Variants in SAMD5 observed in about 807,000 individuals in gnomAD.
The protein encoded by SAMD5 is sterile alpha motif domain containing 5, also known as sterile alpha motif domain-containing protein 5.
In SAMD5, 13 loss-of-function variants were observed where a neutral mutation model predicts 11.3. The observed-to-expected ratio is 1.15, with a 90% CI of 0.75 to 1.83. The LOEUF is 1.83. Ranked by LOEUF, SAMD5 falls within the 40% of genes most tolerant of loss-of-function variation. SAMD5 has a pLI of 0.00. For missense variants in SAMD5, 255 were observed against 239.1 expected, an observed-to-expected ratio of 1.07 and a Z score of -0.44; for synonymous variants, 129 against 111.3, an observed-to-expected ratio of 1.16 and a Z score of -1.00.
rs374806326 is a variant in SAMD5 at position 147,666,789 on chromosome 6, G to A, written c.163-70528G>A. On this transcript the variant is annotated intron_variant, in intron 1 of 1. Transcript: ENST00000566741. ...AATCCCAAGCCGGAAAAAGTCCATAGCATCCTCAAATAAGAGTGGGACATT... is the reference window on the plus strand; with the variant it reads ...AATCCCAAGCCGGAAAAAGTCCATAACATCCTCAAATAAGAGTGGGACATT... Among the ~76,000 whole-genome samples the A allele has an allele frequency of 3.3e-4, 51 of 152,292 alleles. 1 individual carries two copies. The South Asian group carries it at 8.9e-3, about 27-fold the overall frequency.
chr6:147,536,531 GTTT>G (rs368585131), intron 1 of SAMD5, among the ~76,000 whole-genome samples: 5 of 149,364 alleles, frequency 3.3e-5, no homozygotes, highest in Non-Finnish European at 6.0e-5. Flanking sequence ...AGTCCAAGAA[GTTT>G]TTTTTTTAAT....
At chr6:147,929,631 T>A in the SAMD5 span, among the ~76,000 whole-genome samples, 1 of 152,210 alleles carries the variant, frequency 6.6e-6, no homozygotes, top group Non-Finnish European at 1.5e-5. Context: ...GGCATAATTA[T>A]GTCAGATGGT....
chr6:147,677,725 A>T (rs1336207514), intron 1 of SAMD5, among the ~76,000 whole-genome samples: 1 of 152,108 alleles, frequency 6.6e-6, no homozygotes, highest in African/African-American at 2.4e-5. Flanking sequence ...GCCATGGGAC[A>T]TCGGCACTGT....
At chr6:147,647,135 C>T (rs1446252572) in intron 1 of SAMD5, among the ~76,000 whole-genome samples, 2 of 151,734 alleles carry the variant, frequency 1.3e-5, no homozygotes, top group African/African-American at 2.4e-5. Flanking sequence ...CCATTGCACC[C>T]CAGCCTGAGT....
rs995117506 is a variant in SAMD5 at position 147,707,527 on chromosome 6, A to G, written c.163-29790A>G. Among the ~76,000 whole-genome samples, 8 of 152,284 alleles carry G rather than the reference A, an allele frequency of 5.3e-5. No homozygotes were observed. In the East Asian group the frequency reaches 1.2e-3, roughly 22 times the overall value. On this transcript the variant is annotated intron_variant, in intron 1 of 1. Coordinates refer to the SAMD5 transcript ENST00000566741. ...TTTCCTTCAGACCAGCCTGATCTAA[A>G]TAGGAAACACCCTCAACTTCCTCCC...
chr6:147,573,458 AC>A (rs1271346654), downstream of SAMD5, among the ~76,000 whole-genome samples: 3 of 152,166 alleles, frequency 2.0e-5, no homozygotes, highest in African/African-American at 7.2e-5. Context: ...CATCAGGGAA[AC>A]CGCCTCCATG....
intron 1 of SAMD5, among the ~76,000 whole-genome samples, chr6:147,691,667 G>T (rs141811928): frequency 1.3e-5 from 2 of 152,128 alleles, no homozygotes; most frequent in African/African-American, 2.4e-5. Context: ...AGCCACCAAA[G>T]CAACTATTTC....
At chr6:147,596,349 G>A (rs1158220989) in intron 1 of SAMD5, among the ~76,000 whole-genome samples, 3 of 152,086 alleles carry the variant, frequency 2.0e-5, no homozygotes, top group Non-Finnish European at 4.4e-5. Flanking sequence ...ATATTCTCAA[G>A]CATTAAACTT....
intron 1 of SAMD5, among the ~76,000 whole-genome samples, chr6:147,541,347 G>A (rs1181159545): frequency 6.6e-6 from 1 of 152,128 alleles, no homozygotes; most frequent in African/African-American, 2.4e-5. Flanking sequence ...GGGCTGCAGG[G>A]GAGATCAAAT....
chr6:147,719,223 G>A (rs1205176989), intron 1 of SAMD5, among the ~76,000 whole-genome samples: 1 of 152,196 alleles, frequency 6.6e-6, no homozygotes, highest in African/African-American at 2.4e-5. Context: ...CCCAGAGCAA[G>A]GAAACAGGTA....
chr6:147,901,422 A>G, the SAMD5 span, among the ~76,000 whole-genome samples: 1 of 136,310 alleles, frequency 7.3e-6, no homozygotes, highest in Non-Finnish European at 1.5e-5. Flanking sequence ...ACAATTTGGT[A>G]TGGTTACATA....
chr6:147,902,519 C>G, the SAMD5 span, among the ~76,000 whole-genome samples: 16 of 152,274 alleles, frequency 1.1e-4, no homozygotes, highest in African/African-American at 3.8e-4. Context: ...TACTTTTTCT[C>G]AGAATCTACA....
chr6:147,935,788 G>T, the SAMD5 span, among the ~76,000 whole-genome samples: 17 of 152,244 alleles, frequency 1.1e-4, no homozygotes, highest in Admixed American at 2.0e-4. Context: ...AAAGCAAACT[G>T]CTAAGTTATC....
chr6:147,697,231 G>T (rs1052484839), intron 1 of SAMD5, among the ~76,000 whole-genome samples: 1 of 152,214 alleles, frequency 6.6e-6, no homozygotes, highest in Admixed American at 6.5e-5. Flanking sequence ...GGGCGCTGCA[G>T]CCAAGGAGAT....
At chr6:147,534,352 C>T (rs899134004) in intron 1 of SAMD5, among the ~76,000 whole-genome samples, 3 of 152,124 alleles carry the variant, frequency 2.0e-5, no homozygotes, top group Non-Finnish European at 4.4e-5. Context: ...CCTCCCCAAA[C>T]AGAGTTCAAA....
intron 1 of SAMD5, among the ~76,000 whole-genome samples, chr6:147,721,602 C>T (rs1198205948): frequency 6.6e-6 from 1 of 152,032 alleles, no homozygotes; most frequent in Non-Finnish European, 1.5e-5. Context: ...GATATTAGCC[C>T]TTTGTCAGAT....
intron 1 of SAMD5, among the ~76,000 whole-genome samples, chr6:147,634,951 C>T (rs1021029375): frequency 1.4e-5 from 2 of 143,946 alleles, no homozygotes; most frequent in African/African-American, 2.5e-5. Flanking sequence ...CACAGAGGAC[C>T]TTTGCCTGAA....
chr6:147,643,397 AAC>A (rs1371607406), intron 1 of SAMD5, among the ~76,000 whole-genome samples: 1 of 152,172 alleles, frequency 6.6e-6, no homozygotes, highest in East Asian at 1.9e-4. Flanking sequence ...AAACAACTAA[AAC>A]ACACAGTAAA....
the SAMD5 span, among the ~76,000 whole-genome samples, chr6:147,837,003 A>G: frequency 2.6e-5 from 4 of 152,248 alleles, no homozygotes; most frequent in African/African-American, 7.2e-5. Context: ...GAATTGGACT[A>G]CATATATAAA....
Sources: allele counts gnomAD v4.1 joint callset (sites outside exome capture counted in the v4.1 genomes callset), GRCh38; gene constraint gnomAD v4.1.1; transcripts MANE v1.5; gene names NCBI Gene and HGNC (gene_info 2026-07-23, HGNC 2026-07-21).